PAPOLB: variants seen among roughly 807,000 people sequenced by gnomAD.
The protein encoded by PAPOLB is poly(A) polymerase beta.
PAPOLB carries 19 observed loss-of-function variants against 23.2 expected under a neutral mutation model. The observed-to-expected ratio is 0.82, with a 90% confidence interval of 0.57 to 1.20. PAPOLB has a LOEUF of 1.20. Ranked by LOEUF, PAPOLB falls within the 50% of genes most tolerant of loss-of-function variation. The pLI is 0.00. For synonymous variants in PAPOLB, 360 were observed against 290.7 expected, an observed-to-expected ratio of 1.24 and a Z score of -2.43; for missense variants, 822 against 776.8, an observed-to-expected ratio of 1.06 and a Z score of -0.69.
chr7:4,860,641 T>G lies in PAPOLB; in HGVS notation c.1170A>C (p.Glu390Asp). The G allele has an allele frequency of 6.2e-7, 1 of 1,614,098 alleles. No individual in the cohort carries two copies. The highest frequency in any genetic ancestry group is 1.1e-5 in the South Asian group (1 of 91,086). The change falls in exon 1 of 1, where the codon GAA becomes GAC. Residue 390 changes from glutamate to aspartate, a missense_variant. Physicochemically the swap from Glu to Asp is conservative, Grantham distance 45. Coordinates refer to ENST00000404991, the MANE Select transcript of PAPOLB (RefSeq NM_020144.5). ...ASASTEKQHLEWVGLVESKIR... is the reference protein window; with the variant it reads ...ASASTEKQHLDWVGLVESKIR... ...TCTTTGATTCCACCAAGCCCACCCA[T>G]TCTAAATGTTGTTTTTCTGTTGATG...
Position 4,860,095 on chromosome 7 carries a change from A to G in PAPOLB, c.1716T>C (p.Ala572=). Residue 572 remains alanine (A), a synonymous_variant, in exon 1 of 1, where the codon GCT becomes GCC. Transcript: ENST00000404991. ...TCACCTGTTGCAAGGAAAATTCAGT[A>G]GCCTGTATGTTAGCCACAGATGCTG... ...VMTASVANIQ[A]TEFSLQQVNT... 1 of 1,614,040 alleles carries G rather than the reference A, an allele frequency of 6.2e-7. No individual in the cohort carries two copies. The highest frequency in any genetic ancestry group is 8.5e-7 in the Non-Finnish European group (1 of 1,179,882).
In PAPOLB at chr7:4,861,849, C is replaced by CCGCGACCTTCACGTCCCCCACCAG; in HGVS notation, c.-40_-39insCTGGTGGGGGACGTGAAGGTCGCG. The CCGCGACCTTCACGTCCCCCACCAG allele has an allele frequency of 7.2e-7, 1 of 1,383,042 alleles. No homozygotes were observed. Among genetic ancestry groups the CCGCGACCTTCACGTCCCCCACCAG allele is most frequent in the Non-Finnish European group, 9.4e-7 (1 of 1,058,728 alleles). The allele number at this position is 1,383,042 out of a possible 1,614,324, so 85.7% of individuals were successfully genotyped here. A position where few individuals can be genotyped will look rare whatever the true frequency, so the allele number is the denominator to read the frequency against. Reference sequence around the variant, plus strand: ...CCCCGCCAGGGCACGTCCCCCACCACCGCGACCTTCGCGGCCGCCGCCCGG... The same window carrying CCGCGACCTTCACGTCCCCCACCAG: ...CCCCGCCAGGGCACGTCCCCCACCACCGCGACCTTCACGTCCCCCACCAGCGCGACCTTCGCGGCCGCCGCCCGG... On this transcript the variant is annotated 5_prime_UTR_variant, in exon 1 of 1. Transcript: ENST00000404991.
Position 4,861,945 on chromosome 7 carries a change from G to T in PAPOLB, c.-135C>A. 1 of 493,080 alleles carries T rather than the reference G, an allele frequency of 2.0e-6. No homozygotes were observed. Among genetic ancestry groups the T allele is most frequent in the Non-Finnish European group, 3.4e-6 (1 of 295,094 alleles). 30.5% of individuals were successfully genotyped at this position (493,080 alleles called of 1,614,324 possible). ...GTCCGACCCCACTCCCACTCCCGCT[G>T]CGCGCCCGCCGCTTCAGGAGCTTCT... On this transcript the variant is annotated 5_prime_UTR_variant, in exon 1 of 1. Transcript: ENST00000404991.
At position 4,859,976 on chromosome 7, in the gene PAPOLB, G is replaced by A. The variant is rs755968528; in HGVS notation, c.1835C>T (p.Ala612Val). Residue 612 changes from alanine (A) to valine (V), a missense_variant, in exon 1 of 1, where the codon GCC becomes GTC. Ala to Val is a moderately conservative substitution (Grantham distance 64). This residue lies in a region of PAPOLB where 534 missense variants were observed against 502.8 expected (regional missense o/e 1.06). Coordinates refer to ENST00000404991, the MANE Select transcript of PAPOLB (RefSeq NM_020144.5). ...AISPSPKAMV[A>V]RVVSSTCLIS... ...GAGACATGTTGAAGAAACAACTCTG[G>A]CGACCATGGCCTTTGGTGATGGAGA... 5 of 1,613,990 alleles carry A rather than the reference G, an allele frequency of 3.1e-6. No homozygotes were observed. In the South Asian group the frequency reaches 4.4e-5, roughly 14 times the overall value.
rs1436588445 is a variant in PAPOLB, at chr7:4,860,668, A to G, written c.1143T>C (p.Ser381=). 6.2e-7 allele frequency: 1 copy of G among 1,614,050 alleles called. No individual in the cohort carries two copies. The highest frequency in any genetic ancestry group is 1.3e-5 in the African/African-American group (1 of 74,938). The part of the protein sequence containing the change: ...KYKHYIVLLA[S]ASTEKQHLEW... ...CTAAATGTTGTTTTTCTGTTGATGC[A>G]CTTGCCAGAAGTACAATATAATGCT... Residue 381 remains serine (S), a synonymous_variant, in exon 1 of 1, where the codon AGT becomes AGC. Transcript: ENST00000404991.
chr7:4,861,597 G>A lies in PAPOLB; in HGVS notation c.214C>T (p.Leu72=). The A allele has an allele frequency of 6.2e-7, 1 of 1,611,406 alleles. No homozygotes were observed. The highest frequency in any genetic ancestry group is 8.5e-7 in the Non-Finnish European group (1 of 1,179,080). The change falls in exon 1 of 1, where the codon CTG becomes TTG. Residue 72 remains leucine, a synonymous_variant. Coordinates refer to ENST00000404991, the MANE Select transcript of PAPOLB (RefSeq NM_020144.5). ...ATTTCGCGTATCCATTCCTTTACCA[G>A]ATTATTTAATTTTTCCAAAACTAAA... ...RILVLEKLNN[L]VKEWIREISE... is the part of the protein sequence containing the mutation.
At position 4,858,470 on chromosome 7, in the gene PAPOLB, G is replaced by C. The variant is rs1263740772; in HGVS notation, c.*1427C>G. 4 of 152,476 alleles carry C rather than the reference G, an allele frequency of 2.6e-5. No individual in the cohort carries two copies. The highest frequency in any genetic ancestry group is 4.4e-5 in the Non-Finnish European group (3 of 67,984). 9.4% of individuals were successfully genotyped at this position (152,476 alleles called of 1,614,324 possible). A position where few individuals can be genotyped will look rare whatever the true frequency, so the allele number is the denominator to read the frequency against. On this transcript the variant is annotated 3_prime_UTR_variant, in exon 1 of 1. Coordinates refer to ENST00000404991, the MANE Select transcript of PAPOLB (RefSeq NM_020144.5). Reference sequence around the variant, plus strand: ...CTTTTGTAGACTAAAAGAGCAGAAAGCCAGTAAGATGTCAAGTGCTTGCTA... The same window carrying C: ...CTTTTGTAGACTAAAAGAGCAGAAACCCAGTAAGATGTCAAGTGCTTGCTA...
rs563883928 is a variant in PAPOLB, at chr7:4,858,337, G to A, written c.*1560C>T. ...CTGTTAAGTTTGCTGTCTAGATTAA[G>A]AAAGACTCAACTTTCATTCATTCAC... On this transcript the variant is annotated 3_prime_UTR_variant, in exon 1 of 1. Coordinates refer to ENST00000404991, the MANE Select transcript of PAPOLB (RefSeq NM_020144.5). 9.9e-5 allele frequency: 15 copies of A among 152,268 alleles called. No individual in the cohort carries two copies. Among genetic ancestry groups the A allele is most frequent in the Admixed American group, 9.2e-4 (14 of 15,298 alleles). 9.4% of individuals were successfully genotyped at this position (152,268 alleles called of 1,614,324 possible).
In PAPOLB at chr7:4,860,665, T is replaced by C. The variant is rs746913953; in HGVS notation, c.1146A>G (p.Ala382=). 4 of 1,614,128 alleles carry C rather than the reference T, an allele frequency of 2.5e-6. No individual in the cohort carries two copies. Among genetic ancestry groups the C allele is most frequent in the Non-Finnish European group, 3.4e-6 (4 of 1,180,040 alleles). ...YKHYIVLLAS[A]STEKQHLEWV... is the part of the protein sequence containing the mutation. Reference sequence around the variant, plus strand: ...ATTCTAAATGTTGTTTTTCTGTTGATGCACTTGCCAGAAGTACAATATAAT... The same window carrying C: ...ATTCTAAATGTTGTTTTTCTGTTGACGCACTTGCCAGAAGTACAATATAAT... The change falls in exon 1 of 1, where the codon GCA becomes GCG. Residue 382 remains alanine (A), a synonymous_variant. Transcript: ENST00000404991.
rs755584689 is a variant in PAPOLB at position 4,860,502 on chromosome 7, T to A, written c.1309A>T (p.Met437Leu). The change falls in exon 1 of 1, where the codon ATG becomes TTG. Residue 437 changes from methionine to leucine, a missense_variant. Met to Leu is a conservative substitution (Grantham distance 15). Coordinates refer to ENST00000404991, the MANE Select transcript of PAPOLB (RefSeq NM_020144.5). ...TTTAGCCCTAACCCAATCACCCACATTGTACGAAATTCTTCCATATCAGGA... is the reference window on the plus strand; with the variant it reads ...TTTAGCCCTAACCCAATCACCCACAATGTACGAAATTCTTCCATATCAGGA... ...ENPDMEEFRT[M>L]WVIGLGLKKP... 8.7e-6 allele frequency: 14 copies of A among 1,614,142 alleles called. No homozygotes were observed. The highest frequency in any genetic ancestry group is 1.1e-5 in the Non-Finnish European group (13 of 1,179,968).
Position 4,861,428 on chromosome 7 carries a change from C to T in PAPOLB, c.383G>A (p.Ser128Asn). The change falls in exon 1 of 1, where the codon AGC (serine) becomes AAC (asparagine). Residue 128 changes from serine (S) to asparagine (N), a missense_variant. Physicochemically the swap from Ser to Asn is conservative, Grantham distance 46. Coordinates refer to ENST00000404991, the MANE Select transcript of PAPOLB (RefSeq NM_020144.5). ...AGCATAGAATGAGGTGAAAAAGTCG[C>T]TTCGATCCACATGACTTGGTGCAAC... ...LCVAPSHVDRSDFFTSFYAKL... is the reference protein window; with the variant it reads ...LCVAPSHVDRNDFFTSFYAKL... 1 of 1,614,174 alleles carries T rather than the reference C, an allele frequency of 6.2e-7. No homozygotes were observed. Among genetic ancestry groups the T allele is most frequent in the East Asian group, 2.2e-5 (1 of 44,876 alleles).
At position 4,859,772 on chromosome 7, in the gene PAPOLB, G is replaced by C; in HGVS notation, c.*125C>G. On this transcript the variant is annotated 3_prime_UTR_variant, in exon 1 of 1. Transcript: ENST00000404991. ...ACTGATGTTCCCTGAGAGGCCAATAGAGAAGATGCTGTCTGAATTTTTCTA... is the reference window on the plus strand; with the variant it reads ...ACTGATGTTCCCTGAGAGGCCAATACAGAAGATGCTGTCTGAATTTTTCTA... 1 of 633,098 alleles carries C rather than the reference G, an allele frequency of 1.6e-6. No individual in the cohort carries two copies. The allele number at this position is 633,098 out of a possible 1,614,324, so 39.2% of individuals were successfully genotyped here.
Position 4,860,496 on chromosome 7 carries a change from C to T in PAPOLB, c.1315G>A (p.Val439Met). 1 of 1,614,116 alleles carries T rather than the reference C, an allele frequency of 6.2e-7. No individual in the cohort carries two copies. Among genetic ancestry groups the T allele is most frequent in the Non-Finnish European group, 8.5e-7 (1 of 1,179,954 alleles). ...GGCTTTTTTAGCCCTAACCCAATCACCCACATTGTACGAAATTCTTCCATA... is the reference window on the plus strand; with the variant it reads ...GGCTTTTTTAGCCCTAACCCAATCATCCACATTGTACGAAATTCTTCCATA... The part of the protein sequence containing the change: ...PDMEEFRTMW[V>M]IGLGLKKPDN... The change falls in exon 1 of 1, where the codon GTG becomes ATG. Residue 439 changes from valine to methionine, a missense_variant. By Grantham distance (21) the Val-to-Met change is conservative. This residue lies in a region of PAPOLB where 534 missense variants were observed against 502.8 expected (regional missense o/e 1.06). Transcript: ENST00000404991.
In PAPOLB at chr7:4,861,857, T is replaced by G. The variant is rs1447499569; in HGVS notation, c.-47A>C. 7.5e-7 allele frequency: 1 copy of G among 1,324,908 alleles called. No homozygotes were observed. The highest frequency in any genetic ancestry group is 9.9e-7 in the Non-Finnish European group (1 of 1,011,258). The allele number at this position is 1,324,908 out of a possible 1,614,324, so 82.1% of individuals were successfully genotyped here. A position where few individuals can be genotyped will look rare whatever the true frequency, so the allele number is the denominator to read the frequency against. On this transcript the variant is annotated 5_prime_UTR_variant, in exon 1 of 1. Transcript: ENST00000404991. The stretch of plus-strand genomic sequence containing the variant: ...GGGCACGTCCCCCACCACCGCGACC[T>G]TCGCGGCCGCCGCCCGGGTCATGAT...
At position 4,859,926 on chromosome 7, in the gene PAPOLB, T is replaced by C. The variant is rs559748769; in HGVS notation, c.1885A>G (p.Thr629Ala). ...CLISHPDLQE[T>A]QQQTYLIL ...AGGATTAGATATGTTTGTTGCTGAG[T>C]TTCCTGAAGGTCTGGATGGCTTATG... Residue 629 changes from threonine (T) to alanine (A), a missense_variant, in exon 1 of 1, where the codon ACT becomes GCT. Physicochemically the swap from Thr to Ala is moderately conservative, Grantham distance 58. Around this residue, in one of 3 missense-constraint regions of PAPOLB, gnomAD observed 534 missense variants for 502.8 expected, o/e 1.06. Transcript: ENST00000404991. The C allele has an allele frequency of 1.9e-6, 3 of 1,612,902 alleles. No individual in the cohort carries two copies. Among genetic ancestry groups the C allele is most frequent in the Non-Finnish European group, 2.5e-6 (3 of 1,179,182 alleles).
In PAPOLB at chr7:4,861,193, C is replaced by T; in HGVS notation, c.618G>A (p.Arg206=). ...CTAGATGTAAAATTTCATCGGTTAC[C>T]CGGCAACCATTAAGGCTTCTTATGC... is the stretch of plus-strand genomic sequence containing the variant. ...IRCIRSLNGC[R]VTDEILHLVP... is the part of the protein sequence containing the mutation. Residue 206 remains arginine (R), a synonymous_variant, in exon 1 of 1, where the codon CGG becomes CGA. Transcript: ENST00000404991. 6.2e-7 allele frequency: 1 copy of T among 1,614,158 alleles called. No individual in the cohort carries two copies. Among genetic ancestry groups the T allele is most frequent in the Admixed American group, 1.7e-5 (1 of 60,022 alleles).
Position 4,861,331 on chromosome 7 carries a change from C to G in PAPOLB, c.480G>C (p.Leu160=), listed in dbSNP as rs755326670. The part of the protein sequence containing the change: ...VEEAFVPVIK[L]CFDGIEIDIL... Reference sequence around the variant, plus strand: ...TATCAATCTCTATCCCATCAAAACACAGTTTGATAACTGGCACAAATGCCT... The same window carrying G: ...TATCAATCTCTATCCCATCAAAACAGAGTTTGATAACTGGCACAAATGCCT... Residue 160 remains leucine, a synonymous_variant, in exon 1 of 1, where the codon CTG becomes CTC. Coordinates refer to ENST00000404991, the MANE Select transcript of PAPOLB (RefSeq NM_020144.5). 1.9e-6 allele frequency: 3 copies of G among 1,613,352 alleles called. No homozygotes were observed. In the South Asian group the frequency reaches 3.3e-5, roughly 18 times the overall value.
In PAPOLB at chr7:4,860,243, C is replaced by T; in HGVS notation, c.1568G>A (p.Ser523Asn). ...GRRLTDLNDS[S>N]FDLSAGCENS... ...TTCACAGCCTGCAGACAAGTCAAAG[C>T]TGCTGTCGTTCAAATCTGTCAATCT... Residue 523 changes from serine (S) to asparagine (N), a missense_variant, in exon 1 of 1, where the codon AGC becomes AAC. Ser to Asn is a conservative substitution (Grantham distance 46). Transcript: ENST00000404991. 1 of 1,614,002 alleles carries T rather than the reference C, an allele frequency of 6.2e-7. No individual in the cohort carries two copies.
chr7:4,861,825 C>A lies in PAPOLB; in HGVS notation c.-15G>T. The A allele has an allele frequency of 1.4e-6, 2 of 1,421,440 alleles. No individual in the cohort carries two copies. Among genetic ancestry groups the A allele is most frequent in the Non-Finnish European group, 1.8e-6 (2 of 1,088,388 alleles). 88.1% of individuals were successfully genotyped at this position (1,421,440 alleles called of 1,614,324 possible). A position where few individuals can be genotyped will look rare whatever the true frequency, so the allele number is the denominator to read the frequency against. On this transcript the variant is annotated 5_prime_UTR_variant, in exon 1 of 1. Transcript: ENST00000404991. ...AACGGCATCATCTTTCAGCGCCCGCCCCGCCAGGGCACGTCCCCCACCACC... is the reference window on the plus strand; with the variant it reads ...AACGGCATCATCTTTCAGCGCCCGCACCGCCAGGGCACGTCCCCCACCACC...
Sources: allele counts gnomAD v4.1 joint callset, GRCh38; gene constraint gnomAD v4.1.1; regional missense constraint gnomAD v4.1.1; transcripts MANE v1.5; gene names NCBI Gene and HGNC (gene_info 2026-07-23, HGNC 2026-07-21).